Variants in MAGEA4 observed in about 807,000 individuals in gnomAD.
MAGEA4 encodes melanoma-associated antigen 4.
Under a neutral mutation model 13.7 loss-of-function variants are expected in MAGEA4, and 1 was observed. The observed-to-expected ratio is 0.07, with a 90% CI of 0.03 to 0.35. The LOEUF (loss-of-function observed/expected upper bound fraction) is 0.35. MAGEA4 is among the 10% of genes least tolerant of loss of function. The pLI is 0.99. For synonymous variants in MAGEA4, 132 were observed against 101.1 expected (o/e 1.31, Z -1.83); for missense variants, 312 against 245.1 (o/e 1.27, Z -1.82).
intron 1 of MAGEA4, chrX:151,919,631 G>T (rs1018106874): frequency 1.3e-6 from 1 of 751,011 alleles, no homozygotes; most frequent in Non-Finnish European, 1.6e-6. Flanking sequence ...ACTGACTTGC[G>T]CATTGGGGGT....
chrX:151,922,795 G>T (rs1359154978), intron 1 of MAGEA4, among the ~76,000 whole-genome samples: 1 of 111,796 alleles, frequency 8.9e-6, no homozygotes, highest in African/African-American at 3.3e-5. Context: ...GGAGTGGGAG[G>T]CCTTGGTCTG....
intron 1 of MAGEA4, among the ~76,000 whole-genome samples, chrX:151,913,258 A>G (rs1450373068): frequency 9.3e-6 from 1 of 107,724 alleles, no homozygotes; most frequent in African/African-American, 3.4e-5. Context: ...CCCCATTCCC[A>G]TCCCCTAACC....
At chrX:151,923,274 A>G (rs1258265953) in intron 1 of MAGEA4, among the ~76,000 whole-genome samples, 179 bp from the exon 2 acceptor site, 7 of 112,394 alleles carry the variant, frequency 6.2e-5, no homozygotes, top group African/African-American at 1.9e-4. Flanking sequence ...TACAGAGCAG[A>G]GGATGCACAG....
chrX:151,921,723 C>G (rs1027700184), intron 1 of MAGEA4, among the ~76,000 whole-genome samples: 1 of 112,179 alleles, frequency 8.9e-6, no homozygotes, highest in Non-Finnish European at 1.9e-5. Flanking sequence ...TTGACATCCA[C>G]ATCGAGGGCT....
chrX:151,921,073 C>A (rs1216469067), intron 1 of MAGEA4, among the ~76,000 whole-genome samples: 3 of 112,285 alleles, frequency 2.7e-5, no homozygotes, highest in Admixed American at 9.3e-5. Context: ...TGCCAGGAAT[C>A]AAAGTCAGAA....
At chrX:151,912,625 C>G, upstream of MAGEA4, 1 of 273,295 alleles carries the variant, frequency 3.7e-6, no homozygotes, top group African/African-American at 3.1e-5. Flanking sequence ...TATCCCCCAC[C>G]CCATTCCCAT....
chrX:151,923,764 G>A lies in MAGEA4; in HGVS notation c.100G>A (p.Glu34Lys), dbSNP rs749725686. 1 of 1,208,216 alleles carries A rather than the reference G, an allele frequency of 8.3e-7. No individual in the cohort carries two copies. Among genetic ancestry groups the A allele is most frequent in the Non-Finnish European group, 1.1e-6 (1 of 894,548 alleles). Reference protein sequence around the residue: ...GLVGAQAPTTEEQEAAVSSSS... With the variant: ...GLVGAQAPTTKEQEAAVSSSS... The stretch of plus-strand genomic sequence containing the variant: ...GGTGGGTGCACAGGCTCCTACTACT[G>A]AGGAGCAGGAGGCTGCTGTCTCCTC... Residue 34 changes from glutamate (E) to lysine (K), a missense_variant, in exon 3 of 3, where the codon GAG becomes AAG. Physicochemically the swap from Glu to Lys is moderately conservative, Grantham distance 56. Transcript: ENST00000276344.
At chrX:151,919,665 C>T (rs1025096970) in intron 1 of MAGEA4, 2 of 751,266 alleles carry the variant, frequency 2.7e-6, no homozygotes, top group Non-Finnish European at 3.1e-6. Flanking sequence ...GCTGCTCTGT[C>T]TGACCAGCAG....
intron 1 of MAGEA4, chrX:151,919,791 C>T (rs941822828): frequency 4.0e-6 from 3 of 743,035 alleles, no homozygotes; most frequent in Non-Finnish European, 1.6e-6. Flanking sequence ...TCCCGAACCA[C>T]TCATGCTCCC....
upstream of MAGEA4, chrX:151,912,721 C>T (rs1158313524): frequency 5.6e-6 from 1 of 177,703 alleles, no homozygotes; most frequent in Admixed American, 7.5e-5. Context: ...CTCATACCCC[C>T]ATCCCCAATT....
intron 1 of MAGEA4, among the ~76,000 whole-genome samples, chrX:151,919,974 C>A (rs1024626809): frequency 9.9e-6 from 1 of 100,537 alleles, no homozygotes. Flanking sequence ...CGAGGGTCCC[C>A]CACCCCCATT....
In MAGEA4 at chrX:151,923,960, C is replaced by G. The variant is rs200774631; in HGVS notation, c.296C>G (p.Ser99Trp). 11 of 1,210,012 alleles carry G rather than the reference C, an allele frequency of 9.1e-6. No individual in the cohort carries two copies. The African/African-American group carries it at 1.2e-4, about 13-fold the overall frequency. The change falls in exon 3 of 3, where the codon TCG becomes TGG. Residue 99 changes from serine to tryptophan, a missense_variant. Physicochemically the swap from Ser to Trp is radical, Grantham distance 177 (BLOSUM62 -3). Coordinates refer to ENST00000276344, the MANE Select transcript of MAGEA4 (RefSeq NM_001011548.1). ...CAAGAAGAGGAGGGGCCAAGCACCT[C>G]GCCTGACGCAGAGTCCTTGTTCCGA... is the stretch of plus-strand genomic sequence containing the variant. ...SSQEEEGPST[S>W]PDAESLFREA...
In MAGEA4 at chrX:151,924,920, G is replaced by A. The variant is rs757443950; in HGVS notation, c.*302G>A. On this transcript the variant is annotated 3_prime_UTR_variant, in exon 3 of 3. Transcript: ENST00000276344. The stretch of plus-strand genomic sequence containing the variant: ...CTGTTAATATAGTTTAGGAGTAAGA[G>A]TCTTGTTTTTTATTCAGATTGGGAA... The A allele has an allele frequency of 2.3e-5, 5 of 219,060 alleles. No homozygotes were observed. Among genetic ancestry groups the A allele is most frequent in the Non-Finnish European group, 3.4e-5 (4 of 115,949 alleles). 18.1% of individuals were successfully genotyped at this position (219,060 alleles called of 1,213,427 possible).
At position 151,923,592 on chromosome X, in the gene MAGEA4, C is replaced by T. The variant is rs747270872; in HGVS notation, c.-65-8C>T. 42 of 1,209,077 alleles carry T rather than the reference C, an allele frequency of 3.5e-5. No homozygotes were observed. The highest frequency in any genetic ancestry group is 4.5e-5 in the Non-Finnish European group (40 of 894,995). ...CTGAGGTCTCTCACATGCTCCCTCT[C>T]TCCGTAGGCCTGTGGGTCCCCATTG... On this transcript the variant is annotated splice_region_variant and splice_polypyrimidine_tract_variant and intron_variant, in intron 2 of 2. Transcript: ENST00000276344.
In MAGEA4 at chrX:151,924,644, G is replaced by A; in HGVS notation, c.*26G>A. On this transcript the variant is annotated 3_prime_UTR_variant, in exon 3 of 3. Coordinates refer to ENST00000276344, the MANE Select transcript of MAGEA4 (RefSeq NM_001011548.1). The stretch of plus-strand genomic sequence containing the variant: ...GCATGAGTTGCAGCCAGGGCTGTGG[G>A]GAAGGGGCAGGGCTGGGCCAGTGCA... 1 of 1,168,093 alleles carries A rather than the reference G, an allele frequency of 8.6e-7. No individual in the cohort carries two copies. The highest frequency in any genetic ancestry group is 2.0e-5 in the South Asian group (1 of 49,728).
chrX:151,924,238 G>A lies in MAGEA4; in HGVS notation c.574G>A (p.Gly192Ser). 2 of 1,209,899 alleles carry A rather than the reference G, an allele frequency of 1.7e-6. No homozygotes were observed. The highest frequency in any genetic ancestry group is 2.2e-6 in the Non-Finnish European group (2 of 894,412). Residue 192 changes from glycine to serine, a missense_variant, in exon 3 of 3, where the codon GGT (glycine) becomes AGT (serine). Physicochemically the swap from Gly to Ser is moderately conservative, Grantham distance 56. Coordinates refer to ENST00000276344, the MANE Select transcript of MAGEA4 (RefSeq NM_001011548.1). ...CLGLSYDGLL[G>S]NNQIFPKTGL... ...GGGCCTTTCCTATGATGGCCTGCTG[G>A]GTAATAATCAGATCTTTCCCAAGAC...
At chrX:151,922,231 G>A in intron 1 of MAGEA4, among the ~76,000 whole-genome samples, 1 of 111,538 alleles carries the variant, frequency 9.0e-6, no homozygotes, top group African/African-American at 3.3e-5. Context: ...GAGTCTGGCT[G>A]TCCCCTGTTC....
rs1305895969 is a variant in MAGEA4 at position 151,924,801 on chromosome X, CTG to C, written c.*185_*186del. 1.4e-5 allele frequency: 6 copies of C among 419,811 alleles called. No individual in the cohort carries two copies. Among genetic ancestry groups the C allele is most frequent in the Non-Finnish European group, 7.8e-6 (2 of 255,971 alleles). The allele number at this position is 419,811 out of a possible 1,213,427, so 34.6% of individuals were successfully genotyped here. ...TGTTGGATGACTTGGAGATTTATCT[CTG>C]TTTCCTTTTACAATTGTTGAAATGT... On this transcript the variant is annotated 3_prime_UTR_variant, in exon 3 of 3. Coordinates refer to ENST00000276344, the MANE Select transcript of MAGEA4 (RefSeq NM_001011548.1).
chrX:151,921,123 A>AC (rs1299899276), intron 1 of MAGEA4, among the ~76,000 whole-genome samples: 4 of 111,314 alleles, frequency 3.6e-5, no homozygotes, highest in Admixed American at 2.8e-4. Flanking sequence ...TCCTAGTCTA[A>AC]CCCCCACTCC....
Sources: gnomAD v4.1 joint callset for allele counts (sites outside exome capture counted in the v4.1 genomes callset) on GRCh38, gnomAD v4.1.1 for gene constraint, MANE v1.5 for transcripts, NCBI Gene and HGNC (gene_info 2026-07-23, HGNC 2026-07-21) for gene names.